BMP5: variants seen among roughly 807,000 people sequenced by gnomAD.
The protein encoded by BMP5 is bone morphogenetic protein 5.
BMP5 carries 23 observed loss-of-function variants against 46.6 expected under a neutral mutation model. The ratio of observed to expected loss-of-function variants is 0.49; its 90% CI spans 0.35 to 0.70. The LOEUF (loss-of-function observed/expected upper bound fraction) is 0.70, where lower values mean the gene tolerates loss of function less well. Ranked by LOEUF, BMP5 falls within the 30% of genes least tolerant of loss-of-function variation. The pLI is 0.00. For missense variants in BMP5, 545 were observed against 565.6 expected, an observed-to-expected ratio of 0.96 and a Z score of 0.37; for synonymous variants, 204 against 191.9, an observed-to-expected ratio of 1.06 and a Z score of -0.52.
intron 3 of BMP5, among the ~76,000 whole-genome samples, chr6:55,785,196 A>C (rs566937313): frequency 1.3e-5 from 2 of 152,036 alleles, no homozygotes; most frequent in African/African-American, 4.8e-5. Context: ...GAAAGAACAA[A>C]TTGATATTGG....
intron 2 of BMP5, among the ~76,000 whole-genome samples, chr6:55,812,418 G>GCTGT (rs1776157157): frequency 6.6e-6 from 1 of 152,128 alleles, no homozygotes; most frequent in Non-Finnish European, 1.5e-5. Flanking sequence ...AAATTTGATT[G>GCTGT]CATAACACTG....
intron 1 of BMP5, among the ~76,000 whole-genome samples, chr6:55,859,774 C>G (rs558616427): frequency 2.0e-5 from 3 of 152,246 alleles, no homozygotes; most frequent in African/African-American, 7.2e-5. Flanking sequence ...TATAAACAGT[C>G]CTTCTCCATA....
intron 2 of BMP5, among the ~76,000 whole-genome samples, chr6:55,815,834 T>TA (rs1483767808): frequency 1.3e-5 from 2 of 152,102 alleles, no homozygotes; most frequent in African/African-American, 4.8e-5. Flanking sequence ...TATAAAGTAT[T>TA]AATAGACTCT....
intron 6 of BMP5, among the ~76,000 whole-genome samples, chr6:55,758,342 C>T (rs1227985495): frequency 6.6e-6 from 1 of 151,768 alleles, no homozygotes; most frequent in African/African-American, 2.4e-5. Context: ...ACATCAGACT[C>T]TCAATAGGTT....
Position 55,874,924 on chromosome 6 carries a change from A to C in BMP5, c.-59T>G, listed in dbSNP as rs1350050293. 1.3e-6 allele frequency: 2 copies of C among 1,578,482 alleles called. No homozygotes were observed. Among genetic ancestry groups the C allele is most frequent in the South Asian group, 1.2e-5 (1 of 84,564 alleles). On this transcript the variant is annotated 5_prime_UTR_variant, in exon 1 of 7. Transcript: ENST00000370830. Reference sequence around the variant, plus strand: ...CCTTCTTGTCCTCTTAAAAAAAAAAAAAACCTAAGGTTCTAGGAGGTACAG... The same window carrying C: ...CCTTCTTGTCCTCTTAAAAAAAAAACAAACCTAAGGTTCTAGGAGGTACAG...
intron 1 of BMP5, among the ~76,000 whole-genome samples, chr6:55,864,156 T>C (rs1777585833): frequency 6.6e-6 from 1 of 152,172 alleles, no homozygotes; most frequent in Non-Finnish European, 1.5e-5. Context: ...GGTTCGAATA[T>C]ATCAATAAAT....
chr6:55,764,756 G>C (rs1261499905), intron 4 of BMP5, among the ~76,000 whole-genome samples: 1 of 151,160 alleles, frequency 6.6e-6, no homozygotes, highest in Admixed American at 6.6e-5. Context: ...GATAGGTAGA[G>C]AGTAGAATGG....
intron 4 of BMP5, among the ~76,000 whole-genome samples, chr6:55,771,431 C>A (rs775426652): frequency 6.7e-6 from 1 of 149,066 alleles, no homozygotes; most frequent in Admixed American, 6.8e-5. Context: ...GAGGAACAAG[C>A]AGTGCCGGGC....
chr6:55,865,892 G>A (rs1174719202), intron 1 of BMP5, among the ~76,000 whole-genome samples: 2 of 152,062 alleles, frequency 1.3e-5, no homozygotes, highest in Admixed American at 6.6e-5. Context: ...TCAAGGATAC[G>A]CAGCTGGAAT....
At position 55,758,941 on chromosome 6, in the gene BMP5, TA is replaced by T. The variant is rs1490255777; in HGVS notation, c.1215+63del. 5 of 1,137,242 alleles carry T rather than the reference TA, an allele frequency of 4.4e-6. No homozygotes were observed. In the East Asian group the frequency reaches 9.4e-5, roughly 21 times the overall value. 70.4% of individuals were successfully genotyped at this position (1,137,242 alleles called of 1,614,324 possible). ...AAAATTGTAAATAGATGCTTTCCTC[TA>T]AAACAACTTTATAATATGCTTGCAT... On this transcript the variant is annotated intron_variant, in intron 6 of 6. Transcript: ENST00000370830.
chr6:55,851,633 C>G (rs1463896921), intron 1 of BMP5, among the ~76,000 whole-genome samples: 1 of 152,064 alleles, frequency 6.6e-6, no homozygotes, highest in African/African-American at 2.4e-5. Context: ...TTTTTCTTAA[C>G]AAAACTTTAT....
intron 1 of BMP5, among the ~76,000 whole-genome samples, chr6:55,845,436 A>G (rs2127547240): frequency 6.6e-6 from 1 of 152,070 alleles, no homozygotes; most frequent in East Asian, 1.9e-4. Flanking sequence ...TGATGTAGTG[A>G]CATAACCACA....
intron 1 of BMP5, among the ~76,000 whole-genome samples, chr6:55,852,705 A>T (rs1178783555): frequency 6.6e-6 from 1 of 152,218 alleles, no homozygotes; most frequent in Non-Finnish European, 1.5e-5. Flanking sequence ...TAAAACTTGT[A>T]GCATTTCAAA....
At chr6:55,784,251 TG>T (rs1256386387) in intron 3 of BMP5, among the ~76,000 whole-genome samples, 1 of 151,846 alleles carries the variant, frequency 6.6e-6, no homozygotes, top group Non-Finnish European at 1.5e-5. Context: ...CTATGCCAAA[TG>T]TTTCAGATAT....
chr6:55,824,740 C>T (rs993794078), intron 1 of BMP5, among the ~76,000 whole-genome samples: 11 of 151,900 alleles, frequency 7.2e-5, no homozygotes, highest in African/African-American at 2.2e-4. Context: ...AATCAATTTG[C>T]TTCTAATAAT....
chr6:55,759,874 A>G (rs550819487), intron 5 of BMP5, among the ~76,000 whole-genome samples: 1 of 152,120 alleles, frequency 6.6e-6, no homozygotes, highest in South Asian at 2.1e-4. Context: ...AGTATTTCTC[A>G]ATACAGGAAC....
chr6:55,834,917 C>T (rs1776753599), intron 1 of BMP5, among the ~76,000 whole-genome samples: 1 of 151,944 alleles, frequency 6.6e-6, no homozygotes, highest in Non-Finnish European at 1.5e-5. Flanking sequence ...CATGTCTGTA[C>T]TAAAAATTAA....
chr6:55,808,826 A>C (rs568502274), intron 2 of BMP5, among the ~76,000 whole-genome samples: 1 of 151,856 alleles, frequency 6.6e-6, no homozygotes, highest in Non-Finnish European at 1.5e-5. Context: ...GAACCTGGAT[A>C]CCTCGGTTGC....
intron 1 of BMP5, among the ~76,000 whole-genome samples, chr6:55,860,990 A>C (rs986438089): frequency 1.3e-5 from 2 of 152,230 alleles, no homozygotes; most frequent in Non-Finnish European, 2.9e-5. Context: ...TATGGAAAGA[A>C]ACTCACTTTA....
Sources: allele counts gnomAD v4.1 joint callset (sites outside exome capture counted in the v4.1 genomes callset), GRCh38; gene constraint gnomAD v4.1.1; transcripts MANE v1.5; gene names NCBI Gene and HGNC (gene_info 2026-07-23, HGNC 2026-07-21).